The following SLC45A3 variants were observed in gnomAD, a reference collection of about 807,000 sequenced individuals.
SLC45A3 encodes the protein prostate cancer associated protein 2.
Under a neutral mutation model 35.3 loss-of-function variants are expected in SLC45A3, and 17 were observed. The observed-to-expected ratio is 0.48, with a 90% confidence interval of 0.33 to 0.72. The LOEUF is 0.72. Ranked by LOEUF, SLC45A3 falls within the 30% of genes least tolerant of loss-of-function variation. SLC45A3 has a pLI of 0.02. For missense variants in SLC45A3, 597 were observed against 731.7 expected, an observed-to-expected ratio of 0.82 and a Z score of 2.12; for synonymous variants, 288 against 334.3, an observed-to-expected ratio of 0.86 and a Z score of 1.51.
chr1:205,679,827 C>G (rs1671373297), intron 1 of SLC45A3, among the ~76,000 whole-genome samples: 1 of 152,062 alleles, frequency 6.6e-6, no homozygotes. Context: ...CTCAAGAAAG[C>G]CGGCCTGGGC....
Position 205,669,028 on chromosome 1 carries a change from C to T in SLC45A3, c.-230-4142G>A, listed in dbSNP as rs1671162843. 6.6e-6 allele frequency among the ~76,000 whole-genome samples: 1 copy of T among 152,122 alleles called. No homozygotes were observed. The highest frequency in any genetic ancestry group is 1.5e-5 in the Non-Finnish European group (1 of 68,014). ...TATGTGACACCCCCAGGGCTGGCTC[C>T]CACCCCAGCAAGAAAAGGGGCCGGG... On this transcript the variant is annotated intron_variant, in intron 1 of 4. Transcript: ENST00000367145. The surrounding 1 kb of genome is among the most constrained non-coding windows in gnomAD (Gnocchi z 4.1).
intron 1 of SLC45A3, among the ~76,000 whole-genome samples, chr1:205,671,230 C>A (rs1306200145): frequency 6.6e-6 from 1 of 152,234 alleles, no homozygotes; most frequent in African/African-American, 2.4e-5. Context: ...GGTCACCTGG[C>A]AATCCCATGG....
intron 1 of SLC45A3, among the ~76,000 whole-genome samples, chr1:205,670,774 C>T (rs1041079296): frequency 2.0e-5 from 3 of 152,214 alleles, no homozygotes; most frequent in Non-Finnish European, 4.4e-5. Context: ...CCAGCGCCGG[C>T]CCCTTCCCAC....
rs1203194990 is a variant in SLC45A3, at chr1:205,659,235, T to G, written c.1661A>C (p.Ter554SerextTer49). 1 of 1,605,096 alleles carries G rather than the reference T, an allele frequency of 6.2e-7. No homozygotes were observed. Among genetic ancestry groups the G allele is most frequent in the East Asian group, 2.2e-5 (1 of 44,806 alleles). The stretch of plus-strand genomic sequence containing the variant: ...CCACCCCAATGTGCTGGAAGTTTTC[T>G]ACGCTGAGTATTTGGCCAAGTCGCT... The part of the protein sequence containing the change: ...DKSDLAKYSA[*>S] The change falls in exon 5 of 5, where the codon TAG becomes TCG. Residue 554 changes from the stop codon to serine (S), a stop_lost. Coordinates refer to ENST00000367145, the MANE Select transcript of SLC45A3 (RefSeq NM_033102.3). This position sits in a 1 kb window ranked among gnomAD's most constrained non-coding sequence, Gnocchi z 5.8.
chr1:205,663,761 T>A lies in SLC45A3; in HGVS notation c.173-143A>T, dbSNP rs571614895. Reference sequence around the variant, plus strand: ...TCTTCACAGGGATGCTGTAATTTACTCCTCATAACACAGGCATTACAGATG... The same window carrying A: ...TCTTCACAGGGATGCTGTAATTTACACCTCATAACACAGGCATTACAGATG... On this transcript the variant is annotated intron_variant, in intron 2 of 4. Coordinates refer to ENST00000367145, the MANE Select transcript of SLC45A3 (RefSeq NM_033102.3). The A allele has an allele frequency of 5.5e-5, 48 of 865,546 alleles. 2 individuals carry two copies. In the South Asian group the frequency reaches 6.1e-4, roughly 11 times the overall value. 53.6% of individuals were successfully genotyped at this position (865,546 alleles called of 1,614,324 possible). A position where few individuals can be genotyped will look rare whatever the true frequency, so the allele number is the denominator to read the frequency against.
In SLC45A3 at chr1:205,663,432, A is replaced by G; in HGVS notation, c.359T>C (p.Leu120Pro). The G allele has an allele frequency of 6.2e-7, 1 of 1,612,822 alleles. No homozygotes were observed. The highest frequency in any genetic ancestry group is 2.2e-5 in the East Asian group (1 of 44,870). ...GCCCAGGATGAGCAGTGCCAGCTCC[A>G]GGGGCCTGGGATCCGGGCACAGCAG... ...AGLLCPDPRPLELALLILGVG... is the reference protein window; with the variant it reads ...AGLLCPDPRPPELALLILGVG... The change falls in exon 3 of 5, where the codon CTG (leucine) becomes CCG (proline). Residue 120 changes from leucine (L) to proline (P), a missense_variant. This residue lies in a region of SLC45A3 where 555 missense variants were observed against 664.9 expected (regional missense o/e 0.83). Coordinates refer to ENST00000367145, the MANE Select transcript of SLC45A3 (RefSeq NM_033102.3).
At chr1:205,673,032 G>A (rs1344987296) in intron 1 of SLC45A3, among the ~76,000 whole-genome samples, 1 of 152,088 alleles carries the variant, frequency 6.6e-6, no homozygotes. Flanking sequence ...GGAATGAGGT[G>A]GAGAAGGACA....
In SLC45A3 at chr1:205,664,580, A is replaced by G. The variant is rs745393174; in HGVS notation, c.77T>C (p.Phe26Ser). 1.9e-6 allele frequency: 3 copies of G among 1,614,248 alleles called. No individual in the cohort carries two copies. The South Asian group carries it at 3.3e-5, about 18-fold the overall frequency. ...TGCGGCCAAACACACCTCCAGGCCAAAGGTTAGCAGGTTGACCAGCAAGAG... is the reference window on the plus strand; with the variant it reads ...TGCGGCCAAACACACCTCCAGGCCAGAGGTTAGCAGGTTGACCAGCAAGAG... The part of the protein sequence containing the change: ...AQLLLVNLLT[F>S]GLEVCLAAGI... Residue 26 changes from phenylalanine to serine, a missense_variant, in exon 2 of 5, where the codon TTT (phenylalanine) becomes TCT (serine). By Grantham distance (155) the Phe-to-Ser change is radical. Coordinates refer to ENST00000367145, the MANE Select transcript of SLC45A3 (RefSeq NM_033102.3). The surrounding 1 kb of genome is among the most constrained non-coding windows in gnomAD (Gnocchi z 5.3).
intron 1 of SLC45A3, among the ~76,000 whole-genome samples, chr1:205,679,192 T>G (rs962472182): frequency 2.0e-5 from 3 of 152,114 alleles, no homozygotes; most frequent in Admixed American, 6.6e-5. Flanking sequence ...TGGGCTATTC[T>G]TAGTCCCTGC....
intron 1 of SLC45A3, among the ~76,000 whole-genome samples, chr1:205,670,032 C>G (rs1188172210): frequency 2.0e-5 from 3 of 152,212 alleles, no homozygotes; most frequent in Admixed American, 2.0e-4. Context: ...CCACCCCCTC[C>G]TCGCCCCAGT....
chr1:205,669,377 C>G lies in SLC45A3; in HGVS notation c.-230-4491G>C, dbSNP rs978933162. ...AGAGAAGGAGGAAAGCTGACCCGAG[C>G]CCACTCCCTGGTAGCTCCCTAAGGG... On this transcript the variant is annotated intron_variant, in intron 1 of 4. Transcript: ENST00000367145. The surrounding 1 kb of genome is among the most constrained non-coding windows in gnomAD (Gnocchi z 4.1). 3.3e-5 allele frequency among the ~76,000 whole-genome samples: 5 copies of G among 152,164 alleles called. No homozygotes were observed. The highest frequency in any genetic ancestry group is 7.3e-5 in the Non-Finnish European group (5 of 68,032).
chr1:205,670,626 CT>C (rs1421710879), intron 1 of SLC45A3, among the ~76,000 whole-genome samples: 2 of 152,228 alleles, frequency 1.3e-5, no homozygotes, highest in African/African-American at 4.8e-5. Context: ...GCTGAGCTGC[CT>C]TTTCTTCACC....
chr1:205,672,426 A>G (rs1462317496), intron 1 of SLC45A3, among the ~76,000 whole-genome samples: 1 of 152,214 alleles, frequency 6.6e-6, no homozygotes, highest in African/African-American at 2.4e-5. Context: ...ATTTCCATCC[A>G]CAGGGAAAAT....
At chr1:205,660,200 G>T (rs550137916) in intron 4 of SLC45A3, among the ~76,000 whole-genome samples, 4 of 152,208 alleles carry the variant, frequency 2.6e-5, no homozygotes, top group African/African-American at 7.2e-5. Context: ...TAGGGTAGCT[G>T]CCCTGCCATG....
chr1:205,659,178 G>C lies in SLC45A3; in HGVS notation c.*56C>G. 1.3e-6 allele frequency: 2 copies of C among 1,534,766 alleles called. No individual in the cohort carries two copies. Among genetic ancestry groups the C allele is most frequent in the South Asian group, 2.5e-5 (2 of 79,912 alleles). On this transcript the variant is annotated 3_prime_UTR_variant, in exon 5 of 5. Transcript: ENST00000367145. This position sits in a 1 kb window ranked among gnomAD's most constrained non-coding sequence, Gnocchi z 5.8. ...CGGCAGCCCCATGGGGCTAACAGGAGCGGGGAGCTGGGACCCAGTGAGGCA... is the reference window on the plus strand; with the variant it reads ...CGGCAGCCCCATGGGGCTAACAGGACCGGGGAGCTGGGACCCAGTGAGGCA...
intron 1 of SLC45A3, among the ~76,000 whole-genome samples, chr1:205,678,556 C>G (rs1448128269): frequency 1.3e-5 from 2 of 152,156 alleles, no homozygotes; most frequent in Non-Finnish European, 2.9e-5. Flanking sequence ...GGATCACTGT[C>G]TACTCCTCCT....
In SLC45A3 at chr1:205,664,932, G is replaced by A. The variant is rs1236854802; in HGVS notation, c.-230-46C>T. 7.8e-7 allele frequency: 1 copy of A among 1,281,690 alleles called. No homozygotes were observed. Among genetic ancestry groups the A allele is most frequent in the African/African-American group, 1.5e-5 (1 of 66,554 alleles). 79.4% of individuals were successfully genotyped at this position (1,281,690 alleles called of 1,614,324 possible). On this transcript the variant is annotated intron_variant, in intron 1 of 4. Coordinates refer to ENST00000367145, the MANE Select transcript of SLC45A3 (RefSeq NM_033102.3). The surrounding 1 kb of genome is among the most constrained non-coding windows in gnomAD (Gnocchi z 5.3). The stretch of plus-strand genomic sequence containing the variant: ...CAAGCACACGGGGTGTTAAGTCCTG[G>A]GAGCCAGGTCTCCACGATTTGCTCT...
In SLC45A3 at chr1:205,664,383, C is replaced by G; in HGVS notation, c.172+102G>C. On this transcript the variant is annotated intron_variant, in intron 2 of 4. Transcript: ENST00000367145. The surrounding 1 kb of genome is among the most constrained non-coding windows in gnomAD (Gnocchi z 5.3). ...TGCCCAGCAATGCCTTCCCAGCAGA[C>G]CACCTCTCCCTCCAAGCAGCTCCCA... 6.7e-7 allele frequency: 1 copy of G among 1,481,710 alleles called. No individual in the cohort carries two copies. The highest frequency in any genetic ancestry group is 9.2e-7 in the Non-Finnish European group (1 of 1,083,716). The allele number at this position is 1,481,710 out of a possible 1,614,324, so 91.8% of individuals were successfully genotyped here.
rs144266061 is a variant in SLC45A3, at chr1:205,663,236, G to A, written c.555C>T (p.Thr185=). 219 of 1,613,628 alleles carry A rather than the reference G, an allele frequency of 1.4e-4. 1 individual carries two copies. The Middle Eastern group carries it at 1.5e-3, about 11-fold the overall frequency. The change falls in exon 3 of 5, where the codon ACC becomes ACT. Residue 185 remains threonine (T), a synonymous_variant. Transcript: ENST00000367145. ...TGCCCAGGTAGGGGGCCAGGGCACTGGTGTCCCAGTCAATGGCAGGCAGGA... is the reference window on the plus strand; with the variant it reads ...TGCCCAGGTAGGGGGCCAGGGCACTAGTGTCCCAGTCAATGGCAGGCAGGA... ...GYLLPAIDWD[T]SALAPYLGTQ...
Sources: gnomAD v4.1 joint callset for allele counts (sites outside exome capture counted in the v4.1 genomes callset) on GRCh38, gnomAD v4.1.1 for gene constraint, gnomAD v4.1.1 regional missense constraint, Gnocchi (gnomAD v3.1) non-coding constraint, MANE v1.5 for transcripts, NCBI Gene and HGNC (gene_info 2026-07-23, HGNC 2026-07-21) for gene names.